SLCO5A1: variants seen among roughly 807,000 people sequenced by gnomAD.
The protein encoded by SLCO5A1 is solute carrier organic anion transporter family member 5A1.
In SLCO5A1, 39 loss-of-function variants were observed where a neutral mutation model predicts 65.1. The ratio of observed to expected loss-of-function variants is 0.60; its 90% CI spans 0.46 to 0.78. The LOEUF is 0.78. Ranked by LOEUF, SLCO5A1 falls within the 30% of genes least tolerant of loss-of-function variation. The pLI is 0.00. For missense variants in SLCO5A1, 1,029 were observed against 1,069.4 expected, an observed-to-expected ratio of 0.96 and a Z score of 0.53; for synonymous variants, 438 against 415.7, an observed-to-expected ratio of 1.05 and a Z score of -0.65.
chr8:69,710,019 C>CTTTTTTTTT lies in SLCO5A1; in HGVS notation c.1424-4799_1424-4791dup, dbSNP rs33961429. Among the ~76,000 whole-genome samples, 233 of 122,854 alleles carry CTTTTTTTTT rather than the reference C, an allele frequency of 1.9e-3. 6 individuals carry two copies. The highest frequency in any genetic ancestry group is 6.3e-3 in the African/African-American group (208 of 32,758). The allele number at this position is 122,854 out of a possible 152,430, so 80.6% of individuals were successfully genotyped here. A position where few individuals can be genotyped will look rare whatever the true frequency, so the allele number is the denominator to read the frequency against. On this transcript the variant is annotated intron_variant, in intron 5 of 9. Transcript: ENST00000260126. ...CAGAGTCCTGTGAAATCGGCAACAG[C>CTTTTTTTTT]TTTTTTTTTTTTTTTTTAGACAGAG...
intron 2 of SLCO5A1, among the ~76,000 whole-genome samples, chr8:69,816,288 T>C (rs1042541889): frequency 6.6e-6 from 1 of 152,170 alleles, no homozygotes; most frequent in African/African-American, 2.4e-5. Flanking sequence ...TAAAAATTAC[T>C]CTAGACATTG....
At chr8:69,764,980 C>T (rs1586773452) in intron 2 of SLCO5A1, among the ~76,000 whole-genome samples, 1 of 152,150 alleles carries the variant, frequency 6.6e-6, no homozygotes, top group Non-Finnish European at 1.5e-5. Context: ...GAGGAAAATT[C>T]ATTAAATAGC....
At chr8:69,764,618 G>T (rs1418766873) in intron 2 of SLCO5A1, among the ~76,000 whole-genome samples, 1 of 152,130 alleles carries the variant, frequency 6.6e-6, no homozygotes, top group Admixed American at 6.5e-5. Context: ...TTAGAATTTT[G>T]ATAAAGATCT....
rs1299410101 is a variant in SLCO5A1 at position 69,778,686 on chromosome 8, A to G, written c.908-16811T>C. Among the ~76,000 whole-genome samples the G allele has an allele frequency of 3.3e-5, 5 of 152,350 alleles. No homozygotes were observed. In the East Asian group the frequency reaches 9.6e-4, roughly 29 times the overall value. On this transcript the variant is annotated intron_variant, in intron 2 of 9. Transcript: ENST00000260126. ...TCAGCTGCTAATACTCCAGCCATCA[A>G]ATGTGCTATCTTTGTGTAAAGTTAG...
intron 2 of SLCO5A1, among the ~76,000 whole-genome samples, chr8:69,763,583 G>GCA (rs754533835): frequency 5.4e-4 from 58 of 106,764 alleles, no homozygotes; most frequent in Non-Finnish European, 8.8e-4. Context: ...TCACACCACT[G>GCA]CACTCCAGGC....
At chr8:69,754,414 A>G (rs977991359) in intron 4 of SLCO5A1, among the ~76,000 whole-genome samples, 1 of 152,250 alleles carries the variant, frequency 6.6e-6, no homozygotes, top group African/African-American at 2.4e-5. Flanking sequence ...TCTGTAACAT[A>G]TGAGTAACTT....
chr8:69,787,022 AG>A (rs1819064934), intron 2 of SLCO5A1, among the ~76,000 whole-genome samples: 1 of 152,238 alleles, frequency 6.6e-6, no homozygotes, highest in Non-Finnish European at 1.5e-5. Context: ...TTTGTAACCC[AG>A]GGCTGAGCAG....
intron 5 of SLCO5A1, among the ~76,000 whole-genome samples, chr8:69,734,924 TA>T (rs938144252): frequency 3.3e-5 from 5 of 152,218 alleles, no homozygotes; most frequent in African/African-American, 9.6e-5. Context: ...TAAGAATGAT[TA>T]AACTGATAAC....
At chr8:69,698,872 A>C (rs1189973766) in intron 6 of SLCO5A1, among the ~76,000 whole-genome samples, 1 of 152,234 alleles carries the variant, frequency 6.6e-6, no homozygotes, top group Non-Finnish European at 1.5e-5. Context: ...TTACCAAATA[A>C]ATAAACAAAC....
intron 2 of SLCO5A1, among the ~76,000 whole-genome samples, chr8:69,766,382 C>A (rs1378589745): frequency 6.6e-6 from 1 of 152,162 alleles, no homozygotes; most frequent in Non-Finnish European, 1.5e-5. Flanking sequence ...CCTTTGTCTC[C>A]CCACTTCATC....
chr8:69,809,439 G>T (rs1455273803), intron 2 of SLCO5A1, among the ~76,000 whole-genome samples: 1 of 152,116 alleles, frequency 6.6e-6, no homozygotes, highest in Non-Finnish European at 1.5e-5. Flanking sequence ...AATGAAATGT[G>T]CAAATGTTTT....
rs566985628 is a variant in SLCO5A1, at chr8:69,682,358, A to G, written c.1623-15T>C. 1.9e-6 allele frequency: 3 copies of G among 1,543,870 alleles called. No homozygotes were observed. Among genetic ancestry groups the G allele is most frequent in the Admixed American group, 4.4e-5 (2 of 45,794 alleles). On this transcript the variant is annotated splice_polypyrimidine_tract_variant and intron_variant, in intron 6 of 9. Coordinates refer to ENST00000260126, the MANE Select transcript of SLCO5A1 (RefSeq NM_030958.3). ...TGAGAGAAGGTCTAAGAGAGAAGAG[A>G]AGCAGATCATGAGCAACACTTACCA...
At chr8:69,819,830 C>A (rs1178226823) in intron 2 of SLCO5A1, among the ~76,000 whole-genome samples, 1 of 152,116 alleles carries the variant, frequency 6.6e-6, no homozygotes, top group African/African-American at 2.4e-5. Flanking sequence ...GGCATGGTGG[C>A]AGGCACTTGT....
chr8:69,823,611 C>T (rs1210509537), intron 2 of SLCO5A1, among the ~76,000 whole-genome samples: 2 of 152,092 alleles, frequency 1.3e-5, no homozygotes, highest in Non-Finnish European at 2.9e-5. Flanking sequence ...TACAGGAGCA[C>T]CCAGATTCAT....
rs1193852014 is a variant in SLCO5A1, at chr8:69,784,985, A to G, written c.908-23110T>C. 2.0e-5 allele frequency among the ~76,000 whole-genome samples: 3 copies of G among 151,326 alleles called. No individual in the cohort carries two copies. The East Asian group carries it at 5.8e-4, about 29-fold the overall frequency. ...AGGAAGAAAGAAAGAGAAAGAAAGA[A>G]AGAAAAGCGAAAGAAAGAAAGAAAA... On this transcript the variant is annotated intron_variant, in intron 2 of 9. Transcript: ENST00000260126.
chr8:69,793,465 A>T (rs1056115176), intron 2 of SLCO5A1, among the ~76,000 whole-genome samples: 4 of 151,944 alleles, frequency 2.6e-5, no homozygotes, highest in African/African-American at 7.3e-5. Context: ...ATGTCAATAA[A>T]AATAATAATA....
At chr8:69,825,851 G>C (rs1020563048) in intron 2 of SLCO5A1, among the ~76,000 whole-genome samples, 46 of 152,084 alleles carry the variant, frequency 3.0e-4, no homozygotes, top group Non-Finnish European at 6.0e-4. Flanking sequence ...AACAAAGCTG[G>C]AGGCATCACA....
chr8:69,778,153 T>C (rs1263634995), intron 2 of SLCO5A1, among the ~76,000 whole-genome samples: 2 of 152,136 alleles, frequency 1.3e-5, no homozygotes, highest in East Asian at 1.9e-4. Flanking sequence ...TACGAGGTTT[T>C]AGGCATGCAT....
intron 2 of SLCO5A1, among the ~76,000 whole-genome samples, chr8:69,811,283 C>T (rs1204504174): frequency 6.6e-6 from 1 of 152,218 alleles, no homozygotes; most frequent in African/African-American, 2.4e-5. Flanking sequence ...AGCAATTAAA[C>T]TTGATTATAA....
Sources: allele counts gnomAD v4.1 joint callset (sites outside exome capture counted in the v4.1 genomes callset), GRCh38; gene constraint gnomAD v4.1.1; transcripts MANE v1.5; gene names NCBI Gene and HGNC (gene_info 2026-07-23, HGNC 2026-07-21).